EPB41L1: variants seen among roughly 807,000 people sequenced by gnomAD.
The protein encoded by EPB41L1 is erythrocyte membrane protein band 4.1 like 1.
In EPB41L1, 29 loss-of-function variants were observed where a neutral mutation model predicts 97.8. That is an observed-to-expected ratio of 0.30 (90% CI 0.22 to 0.40). EPB41L1 has a LOEUF of 0.40. EPB41L1 is among the 10% of genes least tolerant of loss of function. EPB41L1 has a pLI of 1.00. For missense variants in EPB41L1, 812 were observed against 1,162.3 expected, an observed-to-expected ratio of 0.70 and a Z score of 4.38; for synonymous variants, 383 against 459.2, an observed-to-expected ratio of 0.83 and a Z score of 2.12.
intron 3 of EPB41L1, 132 bp from the exon 4 acceptor site, chr20:36,177,820 G>C: frequency 1.3e-6 from 1 of 743,542 alleles, no homozygotes; most frequent in Non-Finnish European, 2.4e-6. Flanking sequence ...TGGGTGGCAG[G>C]AGCGCTGCAT....
intron 3 of EPB41L1, among the ~76,000 whole-genome samples, chr20:36,176,621 C>CT (rs1307123687): frequency 1.2e-3 from 174 of 146,772 alleles, no homozygotes; most frequent in African/African-American, 4.2e-3. Context: ...TGTATTTTTT[C>CT]TTTTTTTTCT....
At chr20:36,172,382 G>A (rs2061030160) in intron 1 of EPB41L1, among the ~76,000 whole-genome samples, 1 of 152,164 alleles carries the variant, frequency 6.6e-6, no homozygotes. Flanking sequence ...CCCGGCTTAT[G>A]TATGCATATT....
At chr20:36,189,049 C>A (rs2061827056) in intron 9 of EPB41L1, among the ~76,000 whole-genome samples, 1 of 152,134 alleles carries the variant, frequency 6.6e-6, no homozygotes, top group Non-Finnish European at 1.5e-5. Context: ...ACAACACACA[C>A]AAATGCAAAC....
Position 36,206,239 on chromosome 20 carries a change from C to A in EPB41L1, c.1669-3249C>A. The A allele has an allele frequency of 4.7e-6, 6 of 1,289,888 alleles. No individual in the cohort carries two copies. Among genetic ancestry groups the A allele is most frequent in the Non-Finnish European group, 6.1e-6 (6 of 988,900 alleles). The allele number at this position is 1,289,888 out of a possible 1,614,324, so 79.9% of individuals were successfully genotyped here. ...CACCAGAGAGGCAACCATCAGGAAC[C>A]GCTGCATGTCAGATGGTCAGCCGGA... is the stretch of plus-strand genomic sequence containing the variant. On this transcript the variant is annotated intron_variant, in intron 14 of 21. Transcript: ENST00000338074. The surrounding 1 kb of genome is among the most constrained non-coding windows in gnomAD (Gnocchi z 5.5).
chr20:36,156,959 C>T (rs1034018544), intron 1 of EPB41L1, among the ~76,000 whole-genome samples: 8 of 152,216 alleles, frequency 5.3e-5, no homozygotes, highest in Admixed American at 3.3e-4. Context: ...TGCGCCATTG[C>T]GCACGCCTGT....
intron 2 of EPB41L1, among the ~76,000 whole-genome samples, chr20:36,117,008 GAT>G (rs1288976241): frequency 2.0e-5 from 3 of 152,200 alleles, no homozygotes; most frequent in Non-Finnish European, 4.4e-5. Flanking sequence ...GGAGGAAAAT[GAT>G]GACAAATGCA....
intron 2 of EPB41L1, among the ~76,000 whole-genome samples, chr20:36,127,195 G>A (rs1600446793): frequency 6.6e-6 from 1 of 152,198 alleles, no homozygotes; most frequent in East Asian, 1.9e-4. Flanking sequence ...AAGGGATTGG[G>A]TTGGTACCCC....
intron 1 of EPB41L1, among the ~76,000 whole-genome samples, chr20:36,162,381 G>A (rs1422095570): frequency 2.0e-5 from 3 of 152,258 alleles, no homozygotes; most frequent in East Asian, 3.8e-4. Flanking sequence ...GTTGGAGGTC[G>A]TGGGATGTAG....
chr20:36,144,203 A>G (rs1448739173), intron 2 of EPB41L1, among the ~76,000 whole-genome samples: 1 of 152,136 alleles, frequency 6.6e-6, no homozygotes, highest in Non-Finnish European at 1.5e-5. Context: ...ATTACAGGTA[A>G]GGAAATTGAA....
At position 36,198,098 on chromosome 20, in the gene EPB41L1, C is replaced by CTGCATCCTGACTTA. The variant is rs1273098236; in HGVS notation, c.1668+58_1668+71dup. On this transcript the variant is annotated intron_variant, in intron 14 of 21. Coordinates refer to ENST00000338074, the MANE Select transcript of EPB41L1 (RefSeq NM_012156.2). ...CCTTGGGTAAAGAGACATTGGGTTG[C>CTGCATCCTGACTTA]TGCATCCTGACTTACACTCATCCTC... The CTGCATCCTGACTTA allele has an allele frequency of 2.0e-6, 3 of 1,500,154 alleles. No individual in the cohort carries two copies. The Admixed American group carries it at 5.2e-5, about 26-fold the overall frequency. The allele number at this position is 1,500,154 out of a possible 1,614,324, so 92.9% of individuals were successfully genotyped here. A position where few individuals can be genotyped will look rare whatever the true frequency, so the allele number is the denominator to read the frequency against.
chr20:36,215,859 C>T (rs1331895754), intron 17 of EPB41L1, among the ~76,000 whole-genome samples: 3 of 152,106 alleles, frequency 2.0e-5, no homozygotes, highest in Non-Finnish European at 2.9e-5. Flanking sequence ...GTGCTGTGAC[C>T]CTGTATTTAG....
At chr20:36,154,656 G>T (rs2060208376), upstream of EPB41L1, 3 of 972,856 alleles carry the variant, frequency 3.1e-6, no homozygotes, top group Non-Finnish European at 3.7e-6. The surrounding 1 kb of genome is among the most constrained non-coding windows in gnomAD (Gnocchi z 5.5). Context: ...GGCTGGCCGC[G>T]CGTCGGGCGC....
In EPB41L1 at chr20:36,178,050, C is replaced by T. The variant is rs780367852; in HGVS notation, c.441C>T (p.Ser147=). Residue 147 remains serine, a synonymous_variant, in exon 4 of 22, where the codon AGC becomes AGT. Transcript: ENST00000338074. ...GCCTGACCTTCTGTGATGCTGACAG[C>T]CAGAAGGTACCTGGGCTAGGGAGCA... ...YFGLTFCDAD[S]QKNWLDPSKE... 2 of 1,613,002 alleles carry T rather than the reference C, an allele frequency of 1.2e-6. No homozygotes were observed. The highest frequency in any genetic ancestry group is 2.2e-5 in the South Asian group (2 of 91,048).
chr20:36,224,008 C>G (rs2063950280), intron 21 of EPB41L1, among the ~76,000 whole-genome samples: 1 of 152,124 alleles, frequency 6.6e-6, no homozygotes. Context: ...GTTTCTCTTC[C>G]TTTGATTACC....
intron 2 of EPB41L1, among the ~76,000 whole-genome samples, chr20:36,137,266 G>A (rs954519573): frequency 2.6e-5 from 4 of 151,782 alleles, no homozygotes; most frequent in Non-Finnish European, 1.5e-5. Context: ...TGTAGAGACA[G>A]GGTTTCATCA....
rs2061920138 is a variant in EPB41L1 at position 36,190,923 on chromosome 20, C to T, written c.1300+126C>T. Reference sequence around the variant, plus strand: ...GCATCCCAAGTTCATCTGCACCAGGCTGGCCCCTCAAGACCAGTGCTGTCC... The same window carrying T: ...GCATCCCAAGTTCATCTGCACCAGGTTGGCCCCTCAAGACCAGTGCTGTCC... On this transcript the variant is annotated intron_variant, in intron 11 of 21. Coordinates refer to ENST00000338074, the MANE Select transcript of EPB41L1 (RefSeq NM_012156.2). This position sits in a 1 kb window ranked among gnomAD's most constrained non-coding sequence, Gnocchi z 5.8. 7.4e-7 allele frequency: 1 copy of T among 1,356,508 alleles called. No homozygotes were observed. Among genetic ancestry groups the T allele is most frequent in the African/African-American group, 1.4e-5 (1 of 69,448 alleles). 84.0% of individuals were successfully genotyped at this position (1,356,508 alleles called of 1,614,324 possible).
At chr20:36,130,484 A>G (rs1169658567) in intron 2 of EPB41L1, among the ~76,000 whole-genome samples, 1 of 152,154 alleles carries the variant, frequency 6.6e-6, no homozygotes, top group Non-Finnish European at 1.5e-5. Flanking sequence ...TGAGGATTCT[A>G]TTAAATACAC....
rs964266599 is a variant in EPB41L1 at position 36,178,809 on chromosome 20, C to T, written c.490+137C>T. ...TTGTGGCTCATCCCTGTAATCCCAACACTTTGCGAGGCTAAGGCGGGTGGA... is the reference window on the plus strand; with the variant it reads ...TTGTGGCTCATCCCTGTAATCCCAATACTTTGCGAGGCTAAGGCGGGTGGA... On this transcript the variant is annotated intron_variant, in intron 5 of 21. Transcript: ENST00000338074. 2.1e-5 allele frequency: 21 copies of T among 978,174 alleles called. No homozygotes were observed. In the Admixed American group the frequency reaches 3.6e-4, roughly 17 times the overall value. 60.6% of individuals were successfully genotyped at this position (978,174 alleles called of 1,614,324 possible). A position where few individuals can be genotyped will look rare whatever the true frequency, so the allele number is the denominator to read the frequency against.
At position 36,132,342 on chromosome 20, in the gene EPB41L1, T is replaced by G. The variant is rs559299871; in HGVS notation, c.-10+19862T>G. ...TTGGTTCATGGCCCCTTCTAGTAGC[T>G]GGGTCCCTCCCACCTCTGCCTCCGT... On this transcript the variant is annotated intron_variant, in intron 2 of 19. Transcript: ENST00000202028. 3.9e-5 allele frequency among the ~76,000 whole-genome samples: 6 copies of G among 152,148 alleles called. No individual in the cohort carries two copies. In the South Asian group the frequency reaches 1.2e-3, roughly 32 times the overall value.
Sources: gnomAD v4.1 joint callset for allele counts (sites outside exome capture counted in the v4.1 genomes callset) on GRCh38, gnomAD v4.1.1 for gene constraint, Gnocchi (gnomAD v3.1) non-coding constraint, MANE v1.5 for transcripts, NCBI Gene and HGNC (gene_info 2026-07-23, HGNC 2026-07-21) for gene names.